Variants in TMEM150C observed in about 807,000 individuals in gnomAD.
TMEM150C encodes the protein transmembrane protein 150C, also known as tentonin 3.
In TMEM150C, 10 loss-of-function variants were observed where a neutral mutation model predicts 29.9. The observed-to-expected ratio is 0.33, with a 90% CI of 0.21 to 0.57. The LOEUF is 0.57. Among genes scored for constraint, TMEM150C ranks in the 20% least tolerant of loss-of-function variants. The pLI is 0.88. For synonymous variants in TMEM150C, 101 were observed against 112.5 expected (o/e 0.90, Z 0.64); for missense variants, 251 against 303.6 (o/e 0.83, Z 1.29).
intron 1 of TMEM150C, among the ~76,000 whole-genome samples, chr4:82,506,710 C>T (rs1723933433): frequency 6.6e-6 from 1 of 152,204 alleles, no homozygotes; most frequent in African/African-American, 2.4e-5. Flanking sequence ...ACATTTTAAG[C>T]ATACACAGTA....
chr4:82,530,053 A>C (rs751947710), intron 1 of TMEM150C, among the ~76,000 whole-genome samples: 18 of 151,650 alleles, frequency 1.2e-4, no homozygotes, highest in Non-Finnish European at 2.7e-4. Flanking sequence ...GGAAAGTGAA[A>C]GGCTTGGATC....
At chr4:82,502,973 G>A (rs1187386665) in intron 3 of TMEM150C, 46 bp from the exon 4 acceptor site, 2 of 1,593,184 alleles carry the variant, frequency 1.3e-6, no homozygotes, top group Non-Finnish European at 1.7e-6. Context: ...TTAAAGCACT[G>A]TCATTTGTGC....
At chr4:82,504,752 C>T (rs892152894) in intron 1 of TMEM150C, 85 bp from the exon 2 acceptor site, 2 of 1,170,924 alleles carry the variant, frequency 1.7e-6, no homozygotes, top group Non-Finnish European at 2.5e-6. Flanking sequence ...CTAACTGGGC[C>T]AAGCACGGTG....
intron 1 of TMEM150C, among the ~76,000 whole-genome samples, chr4:82,535,806 A>G (rs1471492253): frequency 6.6e-6 from 1 of 152,210 alleles, no homozygotes; most frequent in Non-Finnish European, 1.5e-5. Flanking sequence ...TTTTTAAAAT[A>G]GGGTTTCTCA....
At chr4:82,522,629 T>A (rs1724522817) in intron 1 of TMEM150C, among the ~76,000 whole-genome samples, 1 of 152,204 alleles carries the variant, frequency 6.6e-6, no homozygotes, top group African/African-American at 2.4e-5. Flanking sequence ...TGACACCTGT[T>A]AAAGCGCAGT....
intron 6 of TMEM150C, among the ~76,000 whole-genome samples, chr4:82,494,106 T>C (rs1239594240): frequency 6.6e-6 from 1 of 152,242 alleles, no homozygotes; most frequent in Non-Finnish European, 1.5e-5. Context: ...TGCTGAGGTC[T>C]TGAATGCCTA....
chr4:82,498,393 G>C (rs1265007586), intron 5 of TMEM150C, among the ~76,000 whole-genome samples: 2 of 152,108 alleles, frequency 1.3e-5, no homozygotes, highest in African/African-American at 4.8e-5. Context: ...GGGTTTAAGC[G>C]ATTCTCCTGC....
intron 1 of TMEM150C, among the ~76,000 whole-genome samples, chr4:82,531,249 G>A (rs987745487): frequency 1.3e-5 from 2 of 152,170 alleles, no homozygotes; most frequent in Non-Finnish European, 1.5e-5. Context: ...AGATGCCTTC[G>A]AGACATTTAG....
intron 1 of TMEM150C, among the ~76,000 whole-genome samples, chr4:82,520,626 G>C (rs1386080998): frequency 6.6e-6 from 1 of 152,234 alleles, no homozygotes; most frequent in Non-Finnish European, 1.5e-5. Context: ...GGGCATGGTA[G>C]TTCACGCCTG....
intron 6 of TMEM150C, chr4:82,495,642 G>GA (rs1253456486): frequency 1.6e-5 from 5 of 317,430 alleles, no homozygotes; most frequent in African/African-American, 1.1e-4. Flanking sequence ...TATATAACAG[G>GA]AATGTAACAG....
Position 82,518,190 on chromosome 4 carries a change from C to A in TMEM150C, c.-10-13523G>T, listed in dbSNP as rs60050338. On this transcript the variant is annotated intron_variant, in intron 1 of 7. Coordinates refer to ENST00000449862, the MANE Select transcript of TMEM150C (RefSeq NM_001080506.3). Reference sequence around the variant, plus strand: ...AATTAGGCAGGCATATTGGTAGGCACCTGTAATCCCAGCTACTGGGGAGAC... The same window carrying A: ...AATTAGGCAGGCATATTGGTAGGCAACTGTAATCCCAGCTACTGGGGAGAC... 8.6e-3 allele frequency among the ~76,000 whole-genome samples: 1,302 copies of A among 152,196 alleles called. 20 individuals are homozygous for A. The highest frequency in any genetic ancestry group is 0.03 in the African/African-American group (1,235 of 41,530).
rs187989833 is a variant in TMEM150C, at chr4:82,491,132, G to A, written c.364-894C>T. On this transcript the variant is annotated intron_variant, in intron 6 of 7. Transcript: ENST00000449862. Reference sequence around the variant, plus strand: ...GGGCAGGCAGGAAGACAGCTAGCTCGATGGGATCCACATCGTGTGCAATCA... The same window carrying A: ...GGGCAGGCAGGAAGACAGCTAGCTCAATGGGATCCACATCGTGTGCAATCA... The A allele has an allele frequency of 2.0e-5, 14 of 702,052 alleles. No homozygotes were observed. In the East Asian group the frequency reaches 2.1e-4, roughly 10 times the overall value. The allele number at this position is 702,052 out of a possible 1,614,324, so 43.5% of individuals were successfully genotyped here.
At chr4:82,527,620 C>T (rs775576711) in intron 1 of TMEM150C, among the ~76,000 whole-genome samples, 4 of 152,148 alleles carry the variant, frequency 2.6e-5, no homozygotes, top group Non-Finnish European at 4.4e-5. Flanking sequence ...TAGGTTGCTT[C>T]CCTGTGCTCT....
chr4:82,530,413 C>T (rs1433816683), intron 1 of TMEM150C, among the ~76,000 whole-genome samples: 1 of 151,952 alleles, frequency 6.6e-6, no homozygotes, highest in Non-Finnish European at 1.5e-5. Context: ...AAAAATTAGC[C>T]GGGTGTGGTG....
intron 1 of TMEM150C, among the ~76,000 whole-genome samples, chr4:82,518,257 A>G (rs183709396): frequency 1.8e-3 from 273 of 152,072 alleles, no homozygotes; most frequent in Middle Eastern, 3.4e-3. Flanking sequence ...TGGAGCTTGA[A>G]GTGAGCCGAG....
chr4:82,547,160 G>T (rs994480724), intron 1 of TMEM150C, among the ~76,000 whole-genome samples: 1 of 151,692 alleles, frequency 6.6e-6, no homozygotes, highest in Non-Finnish European at 1.5e-5. Context: ...CGTAACTAAG[G>T]TCTAATATCC....
Position 82,485,418 on chromosome 4 carries a change from G to T in TMEM150C, c.*93C>A. The T allele has an allele frequency of 1.1e-6, 1 of 923,592 alleles. No homozygotes were observed. 57.2% of individuals were successfully genotyped at this position (923,592 alleles called of 1,614,324 possible). On this transcript the variant is annotated 3_prime_UTR_variant, in exon 8 of 8. Coordinates refer to ENST00000449862, the MANE Select transcript of TMEM150C (RefSeq NM_001080506.3). Reference sequence around the variant, plus strand: ...TGAATGTGTGTGTGTGTGTGTGTGTGAAATGAGGTTCTATGTCAAGTCCTG... The same window carrying T: ...TGAATGTGTGTGTGTGTGTGTGTGTTAAATGAGGTTCTATGTCAAGTCCTG...
At chr4:82,543,265 T>A (rs1725249668) in intron 1 of TMEM150C, among the ~76,000 whole-genome samples, 1 of 152,236 alleles carries the variant, frequency 6.6e-6, no homozygotes, top group Non-Finnish European at 1.5e-5. Context: ...TGCAAGGATC[T>A]ATCCCATATA....
chr4:82,484,168 G>A lies in TMEM150C; in HGVS notation c.*1343C>T, dbSNP rs1723086281. 2 of 152,068 alleles carry A rather than the reference G, an allele frequency of 1.3e-5. No homozygotes were observed. Among genetic ancestry groups the A allele is most frequent in the East Asian group, 3.9e-4 (2 of 5,190 alleles). 9.4% of individuals were successfully genotyped at this position (152,068 alleles called of 1,614,324 possible). A position where few individuals can be genotyped will look rare whatever the true frequency, so the allele number is the denominator to read the frequency against. ...AAATCTGGGGATTTCTTGGAAGAAA[G>A]TGCACTCATGGAGGGTCTGTCCACT... On this transcript the variant is annotated 3_prime_UTR_variant, in exon 8 of 8. Coordinates refer to ENST00000449862, the MANE Select transcript of TMEM150C (RefSeq NM_001080506.3).
Sources: allele counts gnomAD v4.1 joint callset (sites outside exome capture counted in the v4.1 genomes callset), GRCh38; gene constraint gnomAD v4.1.1; transcripts MANE v1.5; gene names NCBI Gene and HGNC (gene_info 2026-07-23, HGNC 2026-07-21).